The following JMY variants were observed in gnomAD, a reference collection of about 807,000 sequenced individuals.
JMY encodes the protein junction-mediating and -regulatory protein.
In JMY, 46 loss-of-function variants were observed where a neutral mutation model predicts 103.3. The ratio of observed to expected loss-of-function variants is 0.45; its 90% CI spans 0.35 to 0.57. The LOEUF (loss-of-function observed/expected upper bound fraction) is 0.57, where lower values mean the gene tolerates loss of function less well. Among genes scored for constraint, JMY ranks in the 20% least tolerant of loss-of-function variants. The pLI is 0.00. For synonymous variants in JMY, 526 were observed against 489.3 expected, an observed-to-expected ratio of 1.07 and a Z score of -0.99; for missense variants, 1,238 against 1,255.2, an observed-to-expected ratio of 0.99 and a Z score of 0.21.
chr5:79,246,059 G>A (rs778602294), intron 1 of JMY, among the ~76,000 whole-genome samples: 10 of 152,174 alleles, frequency 6.6e-5, no homozygotes, highest in Admixed American at 2.0e-4. Context: ...TATGGCAGTA[G>A]TGTTTCATTT....
Position 79,237,222 on chromosome 5 carries a change from AG to A in JMY, c.574del (p.Glu192ArgfsTer2). The A allele has an allele frequency of 6.4e-7, 1 of 1,550,534 alleles. No individual in the cohort carries two copies. Among genetic ancestry groups the A allele is most frequent in the African/African-American group, 1.4e-5 (1 of 73,144 alleles). On this transcript the variant is annotated frameshift_variant, in exon 1 of 11. Transcript: ENST00000396137. LOFTEE classifies it high-confidence loss of function. ...RIVSASGTVS[E>X]EIEVLEMVKE... ...GTGAGCGCCTCTGGGACGGTCTCCG[AG>A]GAGATAGAGGTGCTGGAAATGGTGA...
At chr5:79,312,613 A>T in intron 8 of JMY, 115 bp downstream of exon 8, 2 of 477,800 alleles carry the variant, frequency 4.2e-6, no homozygotes. Flanking sequence ...CTTATTTATA[A>T]ACTATTATAA....
intron 1 of JMY, among the ~76,000 whole-genome samples, chr5:79,245,450 G>A (rs1006007146): frequency 2.6e-5 from 4 of 151,910 alleles, no homozygotes; most frequent in African/African-American, 7.2e-5. Context: ...GATATGGCTC[G>A]GGAAAAATCT....
intron 2 of JMY, among the ~76,000 whole-genome samples, chr5:79,279,871 A>G (rs11948351): frequency 0.037 from 5,668 of 152,036 alleles, 345 homozygotes; most frequent in African/African-American, 0.13. Flanking sequence ...TTTTTGAGAC[A>G]GCGTCTTTGT....
intron 1 of JMY, among the ~76,000 whole-genome samples, chr5:79,256,429 C>T (rs1433117177): frequency 1.3e-5 from 2 of 152,028 alleles, no homozygotes; most frequent in East Asian, 1.9e-4. Flanking sequence ...TCTACCCCAC[C>T]GTGGCTGACC....
rs930242668 is a variant in JMY at position 79,322,818 on chromosome 5, C to T, written c.*1216C>T. The T allele has an allele frequency of 2.6e-5, 4 of 152,140 alleles. No individual in the cohort carries two copies. The highest frequency in any genetic ancestry group is 9.7e-5 in the African/African-American group (4 of 41,420). The allele number at this position is 152,140 out of a possible 1,614,324, so 9.4% of individuals were successfully genotyped here. A position where few individuals can be genotyped will look rare whatever the true frequency, so the allele number is the denominator to read the frequency against. Reference sequence around the variant, plus strand: ...TGTGCAGTACCCTGTACATATAATTCTGCATAAGACAGATCTTGGCCTTTC... The same window carrying T: ...TGTGCAGTACCCTGTACATATAATTTTGCATAAGACAGATCTTGGCCTTTC... On this transcript the variant is annotated 3_prime_UTR_variant, in exon 11 of 11. Transcript: ENST00000396137.
At chr5:79,261,032 A>G (rs1006206353) in intron 1 of JMY, among the ~76,000 whole-genome samples, 2 of 152,152 alleles carry the variant, frequency 1.3e-5, no homozygotes, top group African/African-American at 2.4e-5. Context: ...TTACTTATAG[A>G]TTTTGTGAAA....
intron 1 of JMY, among the ~76,000 whole-genome samples, chr5:79,240,787 C>T (rs1744716084): frequency 6.6e-6 from 1 of 152,116 alleles, no homozygotes; most frequent in South Asian, 2.1e-4. Flanking sequence ...AGGATGCTAG[C>T]CATGTATTTG....
chr5:79,236,570 G>T lies in JMY; in HGVS notation c.-81G>T, dbSNP rs1447098990. On this transcript the variant is annotated 5_prime_UTR_variant, in exon 1 of 11. Transcript: ENST00000396137. ...TGAAGGCGCCCGGCGAGGGTGAGCG[G>T]GGGGCGCGGCGCAGCCAGCGGGGAG... The T allele has an allele frequency of 1.7e-6, 2 of 1,163,538 alleles. No individual in the cohort carries two copies. Among genetic ancestry groups the T allele is most frequent in the Non-Finnish European group, 2.2e-6 (2 of 902,446 alleles). 72.1% of individuals were successfully genotyped at this position (1,163,538 alleles called of 1,614,324 possible).
chr5:79,298,481 A>G (rs1450736881), intron 4 of JMY, among the ~76,000 whole-genome samples: 5 of 152,214 alleles, frequency 3.3e-5, no homozygotes, highest in Non-Finnish European at 7.3e-5. Context: ...GGTAGACATT[A>G]TTCCTTGGTT....
intron 1 of JMY, among the ~76,000 whole-genome samples, chr5:79,248,916 G>A (rs951923229): frequency 2.0e-5 from 3 of 151,994 alleles, no homozygotes; most frequent in Admixed American, 1.3e-4. Flanking sequence ...GTACCACCAC[G>A]TCTGGCTGAC....
At chr5:79,267,327 G>GT (rs1454966030) in intron 1 of JMY, among the ~76,000 whole-genome samples, 4 of 152,126 alleles carry the variant, frequency 2.6e-5, no homozygotes, top group Non-Finnish European at 5.9e-5. Flanking sequence ...ATACAAAATA[G>GT]TTTAACTGCT....
intron 10 of JMY, among the ~76,000 whole-genome samples, chr5:79,316,909 A>AG (rs1747244589): frequency 7.0e-6 from 1 of 142,434 alleles, no homozygotes. Flanking sequence ...AAAAAAAAAA[A>AG]AAAAAAAAAA....
At chr5:79,266,991 CTG>C (rs1379299036) in intron 1 of JMY, among the ~76,000 whole-genome samples, 1 of 152,156 alleles carries the variant, frequency 6.6e-6, no homozygotes, top group African/African-American at 2.4e-5. Context: ...CTTGTGTCAT[CTG>C]TTTTTAAAAA....
intron 2 of JMY, among the ~76,000 whole-genome samples, chr5:79,288,663 T>C (rs574986529): frequency 2.6e-5 from 4 of 152,026 alleles, no homozygotes; most frequent in African/African-American, 9.7e-5. Context: ...GCATGCTCAC[T>C]CATGACTTTT....
chr5:79,258,188 A>G (rs1208829286), intron 1 of JMY, among the ~76,000 whole-genome samples: 1 of 152,238 alleles, frequency 6.6e-6, no homozygotes. Context: ...TACAAAGGAA[A>G]GAATCTGAAA....
intron 1 of JMY, among the ~76,000 whole-genome samples, chr5:79,255,623 A>G (rs1198385346): frequency 6.6e-6 from 1 of 152,140 alleles, no homozygotes; most frequent in Non-Finnish European, 1.5e-5. Context: ...GTTGTGATGT[A>G]AGCTGTATCT....
In JMY at chr5:79,314,838, G is replaced by A. The variant is rs1182820985; in HGVS notation, c.2646G>A (p.Leu882=). 1.3e-6 allele frequency: 2 copies of A among 1,572,608 alleles called. No individual in the cohort carries two copies. Among genetic ancestry groups the A allele is most frequent in the East Asian group, 2.2e-5 (1 of 44,498 alleles). Residue 882 remains leucine, a synonymous_variant, in exon 9 of 11, where the codon TTG becomes TTA. Transcript: ENST00000396137. ...RKKLRKTAEG[L]QRRRVSSPMD... is the part of the protein sequence containing the mutation. The stretch of plus-strand genomic sequence containing the variant: ...AGCTCAGAAAGACTGCTGAAGGTTT[G>A]CAGAGGAGGAGAGGTACGTCAACAT...
intron 6 of JMY, among the ~76,000 whole-genome samples, chr5:79,302,895 G>C (rs1000675428): frequency 7.9e-5 from 12 of 152,182 alleles, no homozygotes; most frequent in Admixed American, 2.0e-4. Context: ...GTAAGAGATG[G>C]ACAAATCTTG....
Sources: gnomAD v4.1 joint callset for allele counts (sites outside exome capture counted in the v4.1 genomes callset) on GRCh38, gnomAD v4.1.1 for gene constraint, MANE v1.5 for transcripts, NCBI Gene and HGNC (gene_info 2026-07-23, HGNC 2026-07-21) for gene names.